Variants in SLC5A4 observed in about 807,000 individuals in gnomAD.
SLC5A4 encodes the protein solute carrier family 5 member 4, also known as probable glucose sensor protein SLC5A4.
A neutral mutation model predicts 70.3 loss-of-function variants in SLC5A4; 55 were observed. The ratio of observed to expected loss-of-function variants is 0.78; its 90% CI spans 0.63 to 0.98. SLC5A4 has a LOEUF of 0.98. Ranked by LOEUF, SLC5A4 falls within the 50% of genes least tolerant of loss-of-function variation. The probability of loss-of-function intolerance (pLI) is 0.00; values close to 1 mark genes in which losing one functional copy is unlikely to be tolerated. For missense variants in SLC5A4, 735 were observed against 839.2 expected (o/e 0.88, Z 1.53); for synonymous variants, 268 against 305.7 (o/e 0.88, Z 1.29).
chr22:32,354,668 A>C, the SLC5A4 span, among the ~76,000 whole-genome samples: 1 of 149,360 alleles, frequency 6.7e-6, no homozygotes, highest in Non-Finnish European at 1.5e-5. Context: ...CGGGCAGCGC[A>C]CACCCGATAG....
chr22:32,337,925 T>C, the SLC5A4 span, among the ~76,000 whole-genome samples: 1 of 151,822 alleles, frequency 6.6e-6, no homozygotes, highest in East Asian at 1.9e-4. Context: ...TTCAATACAA[T>C]GTATTTAATT....
At chr22:32,263,227 T>C in the SLC5A4 span, among the ~76,000 whole-genome samples, 3 of 151,756 alleles carry the variant, frequency 2.0e-5, no homozygotes, top group African/African-American at 7.3e-5. Flanking sequence ...CAGGCTGGTC[T>C]CAAACACTGG....
chr22:32,305,720 G>A, the SLC5A4 span, among the ~76,000 whole-genome samples: 227 of 151,114 alleles, frequency 1.5e-3, 8 homozygotes, highest in Non-Finnish European at 2.5e-3. Context: ...GGAGCACGGT[G>A]CTCATTAAAG....
At chr22:32,253,958 T>C (rs533681930) in intron 2 of SLC5A4, among the ~76,000 whole-genome samples, 184 bp downstream of exon 2, 1 of 152,202 alleles carries the variant, frequency 6.6e-6, no homozygotes, top group South Asian at 2.1e-4. Context: ...AATTTTTGTA[T>C]TTTTAGTAGA....
the SLC5A4 span, among the ~76,000 whole-genome samples, chr22:32,315,608 C>A: frequency 6.6e-6 from 1 of 151,920 alleles, no homozygotes; most frequent in African/African-American, 2.4e-5. Flanking sequence ...ATCAAAAACG[C>A]AGCTTTCCAA....
the SLC5A4 span, among the ~76,000 whole-genome samples, chr22:32,326,295 GTC>G: frequency 6.7e-6 from 1 of 148,790 alleles, no homozygotes; most frequent in Non-Finnish European, 1.5e-5. Context: ...TTGAGATGGA[GTC>G]TCTGTCGCCC....
chr22:32,344,999 T>TA, the SLC5A4 span, among the ~76,000 whole-genome samples: 1 of 152,172 alleles, frequency 6.6e-6, no homozygotes, highest in African/African-American at 2.4e-5. Flanking sequence ...AAGGCTTACA[T>TA]ACTTTAGTAG....
At chr22:32,280,266 C>G in the SLC5A4 span, among the ~76,000 whole-genome samples, 1 of 152,136 alleles carries the variant, frequency 6.6e-6, no homozygotes, top group Admixed American at 6.5e-5. Context: ...TCCACCCCCC[C>G]TCAACCTCCC....
intron 10 of SLC5A4, 60 bp downstream of exon 10, chr22:32,230,908 T>C (rs1925712344): frequency 9.8e-7 from 1 of 1,024,172 alleles, no homozygotes; most frequent in Non-Finnish European, 1.5e-6. Flanking sequence ...ACCATAACCC[T>C]TCCTCGAGGC....
the SLC5A4 span, among the ~76,000 whole-genome samples, chr22:32,274,121 G>C: frequency 6.6e-6 from 1 of 150,480 alleles, no homozygotes; most frequent in Non-Finnish European, 1.5e-5. Context: ...CTCGCTGCAA[G>C]CTCCACCTCC....
the SLC5A4 span, among the ~76,000 whole-genome samples, chr22:32,308,075 A>G: frequency 6.6e-6 from 1 of 150,382 alleles, no homozygotes; most frequent in Admixed American, 6.6e-5. Flanking sequence ...CTTCCTTCTT[A>G]CCTACCTACC....
At chr22:32,297,632 G>GT in the SLC5A4 span, among the ~76,000 whole-genome samples, 5 of 112,514 alleles carry the variant, frequency 4.4e-5, 1 homozygote, top group African/African-American at 1.3e-4. Flanking sequence ...TTTTTGAAGG[G>GT]TTTTTTGTGT....
the SLC5A4 span, among the ~76,000 whole-genome samples, chr22:32,351,227 GGA>G: frequency 1.3e-5 from 2 of 152,014 alleles, no homozygotes; most frequent in East Asian, 1.9e-4. Context: ...GACTAATATG[GGA>G]GAGAGAGAAA....
At chr22:32,333,594 C>G in the SLC5A4 span, among the ~76,000 whole-genome samples, 6 of 152,216 alleles carry the variant, frequency 3.9e-5, no homozygotes, top group African/African-American at 1.4e-4. Context: ...GGCCCTGGTG[C>G]CCTTGCATCT....
At chr22:32,251,189 A>G (rs1025576144) in intron 3 of SLC5A4, among the ~76,000 whole-genome samples, 4 of 150,574 alleles carry the variant, frequency 2.7e-5, no homozygotes, top group African/African-American at 7.4e-5. Flanking sequence ...AAAGAGGAGA[A>G]CATTCTATAC....
chr22:32,302,289 G>A, the SLC5A4 span, among the ~76,000 whole-genome samples: 1 of 126,628 alleles, frequency 7.9e-6, no homozygotes, highest in Non-Finnish European at 1.7e-5. Context: ...CCTTTGCTGG[G>A]TATGTGGTTT....
the SLC5A4 span, chr22:32,270,391 C>T: frequency 6.9e-6 from 10 of 1,449,294 alleles, no homozygotes; most frequent in African/African-American, 1.3e-4. Context: ...AACCTTTGAG[C>T]TTCCCGGCTG....
At chr22:32,272,598 G>C in the SLC5A4 span, 1 of 616,938 alleles carries the variant, frequency 1.6e-6, no homozygotes. Flanking sequence ...CACCCAGCTG[G>C]GTTTTCTGGT....
At chr22:32,270,670 C>G in the SLC5A4 span, 2 of 708,356 alleles carry the variant, frequency 2.8e-6, no homozygotes, top group Non-Finnish European at 5.3e-6. Context: ...CCAAGTGTCG[C>G]TGCTGGGCAT....
Sources: gnomAD v4.1 joint callset for allele counts (sites outside exome capture counted in the v4.1 genomes callset) on GRCh38, gnomAD v4.1.1 for gene constraint, MANE v1.5 for transcripts, NCBI Gene and HGNC (gene_info 2026-07-23, HGNC 2026-07-21) for gene names.